XKR6: variants seen among roughly 807,000 people sequenced by gnomAD.
XKR6 encodes the protein XK related 6.
A neutral mutation model predicts 56.7 loss-of-function variants in XKR6; 22 were observed. That is an observed-to-expected ratio of 0.39 (90% CI 0.28 to 0.55). The LOEUF (loss-of-function observed/expected upper bound fraction) is 0.55, where lower values mean the gene tolerates loss of function less well. Among genes scored for constraint, XKR6 ranks in the 20% least tolerant of loss-of-function variants. The pLI, the probability that XKR6 is intolerant of heterozygous loss-of-function variation, is 0.66. For missense variants in XKR6, 852 were observed against 889.0 expected, an observed-to-expected ratio of 0.96 and a Z score of 0.53; for synonymous variants, 524 against 387.8, an observed-to-expected ratio of 1.35 and a Z score of -4.13.
intron 1 of XKR6, among the ~76,000 whole-genome samples, chr8:11,015,195 CTT>C (rs35305267): frequency 0.43 from 63,315 of 145,972 alleles, 15,878 homozygotes; most frequent in African/African-American, 0.7. Flanking sequence ...GTGAGCTGCA[CTT>C]TTTTTTTTTT....
intron 1 of XKR6, among the ~76,000 whole-genome samples, chr8:10,942,608 C>A (rs1350098849): frequency 3.3e-5 from 5 of 152,214 alleles, no homozygotes; most frequent in Non-Finnish European, 7.3e-5. Context: ...ACAGCAGGAG[C>A]CCTCAAATTA....
At chr8:11,105,542 T>TCTGATTC (rs1336995262) in intron 1 of XKR6, 1 of 152,304 alleles carries the variant, frequency 6.6e-6, no homozygotes, top group Non-Finnish European at 1.5e-5. Context: ...CCCACATTCC[T>TCTGATTC]ACTGATTCAC....
chr8:11,148,909 G>A (rs556853151), intron 1 of XKR6, among the ~76,000 whole-genome samples: 3 of 152,292 alleles, frequency 2.0e-5, no homozygotes, highest in Non-Finnish European at 2.9e-5. Context: ...CTGAGTAAGC[G>A]AAACAGAAAA....
chr8:11,184,971 G>C (rs369248273), intron 1 of XKR6, among the ~76,000 whole-genome samples: 1 of 152,146 alleles, frequency 6.6e-6, no homozygotes, highest in African/African-American at 2.4e-5. Context: ...TTACACAGTT[G>C]ATAAGAAAAA....
intron 1 of XKR6, among the ~76,000 whole-genome samples, chr8:11,182,726 G>C: frequency 6.6e-6 from 1 of 152,336 alleles, no homozygotes; most frequent in Middle Eastern, 3.4e-3. Context: ...TTGTGGCAAA[G>C]TATATACAAC....
chr8:10,944,915 T>A (rs1801491030), intron 1 of XKR6, among the ~76,000 whole-genome samples: 2 of 152,056 alleles, frequency 1.3e-5, no homozygotes, highest in Admixed American at 1.3e-4. Context: ...AGGGATGAAA[T>A]GGCATTTCTT....
intron 1 of XKR6, among the ~76,000 whole-genome samples, chr8:11,095,872 T>G (rs143972923): frequency 6.6e-6 from 1 of 152,352 alleles, no homozygotes; most frequent in Admixed American, 6.5e-5. Context: ...AAACACTTGC[T>G]GCCAATTAGT....
intron 1 of XKR6, among the ~76,000 whole-genome samples, chr8:11,102,302 G>A (rs1180612131): frequency 6.6e-6 from 1 of 152,072 alleles, no homozygotes; most frequent in Admixed American, 6.6e-5. Context: ...TTAGTTTACC[G>A]CTGCTAGAAT....
chr8:11,168,933 T>C (rs1802225355), intron 1 of XKR6, among the ~76,000 whole-genome samples: 1 of 152,234 alleles, frequency 6.6e-6, no homozygotes, highest in Non-Finnish European at 1.5e-5. Context: ...GTTGGGTTCC[T>C]GTGGGCACTT....
chr8:11,184,767 T>C lies in XKR6; in HGVS notation c.764+15809A>G, dbSNP rs368496499. On this transcript the variant is annotated intron_variant, in intron 1 of 2. Transcript: ENST00000416569. ...GGCTGGTCTCAAACTCCTGGGCTCA[T>C]GCAATCAACCCGCCTCAGCCTCCCA... 5.8e-4 allele frequency among the ~76,000 whole-genome samples: 89 copies of C among 152,184 alleles called. No individual in the cohort carries two copies. The Middle Eastern group carries it at 0.01, about 17-fold the overall frequency.
intron 1 of XKR6, among the ~76,000 whole-genome samples, chr8:11,004,453 C>T (rs769242185): frequency 2.6e-5 from 4 of 151,478 alleles, no homozygotes; most frequent in South Asian, 2.1e-4. Context: ...TCAGCCTAGG[C>T]GACACAGTGA....
At position 10,989,379 on chromosome 8, in the gene XKR6, A is replaced by T. The variant is rs79299585; in HGVS notation, c.765-64549T>A. ...CCATGGTGATTTACCATAGGACCTC[A>T]TAGTTAACTAAAACTTAACTAGCCC... On this transcript the variant is annotated intron_variant, in intron 1 of 2. Coordinates refer to ENST00000416569, the MANE Select transcript of XKR6 (RefSeq NM_173683.4). Among the ~76,000 whole-genome samples, 43 of 152,390 alleles carry T rather than the reference A, an allele frequency of 2.8e-4. No homozygotes were observed. In the East Asian group the frequency reaches 8.1e-3, roughly 29 times the overall value.
At position 10,981,346 on chromosome 8, in the gene XKR6, G is replaced by C. The variant is rs563433766; in HGVS notation, c.765-56516C>G. Reference sequence around the variant, plus strand: ...TTTTCGGATGCACTGCACGTTCCAGGTGAGGCCCATGGAGGCCTCACCAGA... The same window carrying C: ...TTTTCGGATGCACTGCACGTTCCAGCTGAGGCCCATGGAGGCCTCACCAGA... On this transcript the variant is annotated intron_variant, in intron 1 of 2. Coordinates refer to ENST00000416569, the MANE Select transcript of XKR6 (RefSeq NM_173683.4). Among the ~76,000 whole-genome samples the C allele has an allele frequency of 3.3e-5, 5 of 152,230 alleles. No homozygotes were observed. In the South Asian group the frequency reaches 8.3e-4, roughly 25 times the overall value.
intron 1 of XKR6, among the ~76,000 whole-genome samples, chr8:10,939,475 G>C (rs1479510959): frequency 2.0e-5 from 3 of 152,218 alleles, no homozygotes; most frequent in Non-Finnish European, 4.4e-5. Flanking sequence ...CCAGGCCCCT[G>C]GGGACAAGCC....
At position 11,151,231 on chromosome 8, in the gene XKR6, T is replaced by C. The variant is rs145952278; in HGVS notation, c.764+49345A>G. 6.9e-3 allele frequency among the ~76,000 whole-genome samples: 1,048 copies of C among 152,338 alleles called. 25 individuals are homozygous for C. Among genetic ancestry groups the C allele is most frequent in the East Asian group, 0.042 (218 of 5,190 alleles). Reference sequence around the variant, plus strand: ...TAGAGAATTTCTACTAGTGAAAGTATGCAACCTTGAAATTATTTAATTTTT... The same window carrying C: ...TAGAGAATTTCTACTAGTGAAAGTACGCAACCTTGAAATTATTTAATTTTT... On this transcript the variant is annotated intron_variant, in intron 1 of 2. Transcript: ENST00000416569.
At position 10,898,173 on chromosome 8, in the gene XKR6, C is replaced by T; in HGVS notation, c.1705G>A (p.Gly569Arg). The T allele has an allele frequency of 6.2e-7, 1 of 1,614,042 alleles. No individual in the cohort carries two copies. Among genetic ancestry groups the T allele is most frequent in the Non-Finnish European group, 8.5e-7 (1 of 1,179,966 alleles). The change falls in exon 3 of 3, where the codon GGG becomes AGG. Residue 569 changes from glycine (G) to arginine (R), a missense_variant. Physicochemically the swap from Gly to Arg is moderately radical, Grantham distance 125. Transcript: ENST00000416569. This position sits in a 1 kb window ranked among gnomAD's most constrained non-coding sequence, Gnocchi z 6.6. ...GGACGCCCCAACGGGGTAGGGGGCC[C>T]CATGGGTCTCACTTGGAAAACAGGC... ...CLPVFQVRPM[G>R]PPTPLGRPYL...
chr8:10,969,103 T>C (rs1802319181), intron 1 of XKR6, among the ~76,000 whole-genome samples: 1 of 152,212 alleles, frequency 6.6e-6, no homozygotes, highest in African/African-American at 2.4e-5. Context: ...AAAATCCTGA[T>C]TGTCAAAAAC....
chr8:11,043,065 G>A (rs568767314), intron 1 of XKR6, among the ~76,000 whole-genome samples: 1 of 152,130 alleles, frequency 6.6e-6, no homozygotes, highest in Admixed American at 6.5e-5. Flanking sequence ...GAGGGGTCCT[G>A]GTTGGAGACC....
At chr8:11,001,035 G>A (rs185625744) in intron 1 of XKR6, among the ~76,000 whole-genome samples, 2 of 152,294 alleles carry the variant, frequency 1.3e-5, no homozygotes, top group Admixed American at 6.5e-5. Context: ...CAAACCTCAA[G>A]TATGAACTCT....
Sources: gnomAD v4.1 joint callset for allele counts (sites outside exome capture counted in the v4.1 genomes callset) on GRCh38, gnomAD v4.1.1 for gene constraint, Gnocchi (gnomAD v3.1) non-coding constraint, MANE v1.5 for transcripts, NCBI Gene and HGNC (gene_info 2026-07-23, HGNC 2026-07-21) for gene names.